Variants in RNF217 observed in about 807,000 individuals in gnomAD.
RNF217 encodes E3 ubiquitin-protein ligase RNF217.
A neutral mutation model predicts 57.8 loss-of-function variants in RNF217; 31 were observed. The ratio of observed to expected loss-of-function variants is 0.54; its 90% CI spans 0.40 to 0.72. The LOEUF (loss-of-function observed/expected upper bound fraction) is 0.72. Ranked by LOEUF, RNF217 falls within the 30% of genes least tolerant of loss-of-function variation. RNF217 has a pLI of 0.00. For synonymous variants in RNF217, 313 were observed against 294.0 expected, an observed-to-expected ratio of 1.06 and a Z score of -0.66; for missense variants, 696 against 708.3, an observed-to-expected ratio of 0.98 and a Z score of 0.20.
intron 2 of RNF217, among the ~76,000 whole-genome samples, chr6:125,049,363 C>G (rs1787222079): frequency 1.3e-5 from 2 of 151,992 alleles, no homozygotes; most frequent in African/African-American, 2.4e-5. Context: ...TCCAAGTTTA[C>G]TTCATTTACT....
intron 1 of RNF217, among the ~76,000 whole-genome samples, chr6:125,007,106 G>C (rs530115514): frequency 6.6e-6 from 1 of 152,288 alleles, no homozygotes; most frequent in Non-Finnish European, 1.5e-5. Flanking sequence ...GTCTTCAGCT[G>C]TATCTAGTCT....
intron 1 of RNF217, among the ~76,000 whole-genome samples, chr6:124,984,751 A>G (rs192555630): frequency 1.3e-5 from 2 of 152,116 alleles, no homozygotes; most frequent in African/African-American, 4.8e-5. Context: ...TGATGTCTGT[A>G]TAACCTTAGT....
At chr6:124,998,772 TG>T (rs1315421628) in intron 1 of RNF217, among the ~76,000 whole-genome samples, 1 of 152,182 alleles carries the variant, frequency 6.6e-6, no homozygotes, top group African/African-American at 2.4e-5. Flanking sequence ...CACTCCAACC[TG>T]GGCAACAGAG....
At position 125,088,914 on chromosome 6, in the gene RNF217, A is replaced by G. The variant is rs187782333; in HGVS notation, c.*5977A>G. 295 of 152,674 alleles carry G rather than the reference A, an allele frequency of 1.9e-3. 2 individuals carry two copies. Among genetic ancestry groups the G allele is most frequent in the Admixed American group, 5.8e-3 (89 of 15,286 alleles). The allele number at this position is 152,674 out of a possible 1,614,324, so 9.5% of individuals were successfully genotyped here. ...ACAACATCAAGCTCCTTTTTCTCTT[A>G]AATTTCCTAATTATCTTGATTTTTG... is the stretch of plus-strand genomic sequence containing the variant. On this transcript the variant is annotated 3_prime_UTR_variant, in exon 6 of 6. Transcript: ENST00000521654.
intron 1 of RNF217, among the ~76,000 whole-genome samples, chr6:124,997,647 T>C (rs1292457214): frequency 2.0e-5 from 3 of 152,176 alleles, no homozygotes. Context: ...AGCACATTCA[T>C]AGGTCCTTGG....
intron 1 of RNF217, among the ~76,000 whole-genome samples, chr6:124,969,154 C>A (rs1291584495): frequency 6.6e-6 from 1 of 152,070 alleles, no homozygotes; most frequent in Non-Finnish European, 1.5e-5. Flanking sequence ...TTTACTATTC[C>A]TTCTGTTATG....
At chr6:125,009,271 A>C (rs1241697941) in intron 1 of RNF217, 1 of 1,607,660 alleles carries the variant, frequency 6.2e-7, no homozygotes, top group Non-Finnish European at 8.5e-7. Context: ...CCAGTTCAAG[A>C]AAGGGATGAA....
At chr6:125,014,371 G>A (rs1227967796) in intron 1 of RNF217, among the ~76,000 whole-genome samples, 2 of 152,218 alleles carry the variant, frequency 1.3e-5, no homozygotes, top group African/African-American at 2.4e-5. Flanking sequence ...GTACAATTCT[G>A]TGAGGTATAT....
intron 1 of RNF217, among the ~76,000 whole-genome samples, chr6:124,984,561 A>AG (rs1470621095): frequency 3.4e-5 from 5 of 146,564 alleles, no homozygotes; most frequent in South Asian, 4.3e-4. Flanking sequence ...AAAAAAAAAA[A>AG]GAAAGAAAGA....
intron 3 of RNF217, among the ~76,000 whole-genome samples, chr6:125,070,298 T>C (rs1403459364): frequency 1.3e-5 from 2 of 152,238 alleles, no homozygotes; most frequent in Non-Finnish European, 2.9e-5. Context: ...CAGTTGTGAA[T>C]TGTGCTGCTA....
At chr6:125,057,857 T>C (rs1446552538) in intron 2 of RNF217, 85 bp from the exon 3 acceptor site, 2 of 1,196,372 alleles carry the variant, frequency 1.7e-6, no homozygotes, top group African/African-American at 3.1e-5. Flanking sequence ...AACTTTTAGC[T>C]AATTTCCCCA....
intron 1 of RNF217, among the ~76,000 whole-genome samples, chr6:124,984,258 A>C (rs1430087902): frequency 1.3e-5 from 2 of 152,182 alleles, no homozygotes. Flanking sequence ...AGTCAATAAA[A>C]TAGAGTGGCC....
chr6:124,965,089 T>C (rs144631728), intron 1 of RNF217, among the ~76,000 whole-genome samples: 256 of 152,272 alleles, frequency 1.7e-3, no homozygotes, highest in African/African-American at 6.0e-3. Flanking sequence ...ATAAGTTAGT[T>C]TTAGGAAGTT....
In RNF217 at chr6:125,088,067, C is replaced by A. The variant is rs958173239; in HGVS notation, c.*5130C>A. The A allele has an allele frequency of 5.7e-4, 76 of 133,470 alleles. 1 individual carries two copies. Among genetic ancestry groups the A allele is most frequent in the Middle Eastern group, 9.3e-3 (2 of 214 alleles). The allele number at this position is 133,470 out of a possible 1,614,324, so 8.3% of individuals were successfully genotyped here. On this transcript the variant is annotated 3_prime_UTR_variant, in exon 6 of 6. Transcript: ENST00000521654. ...AGAGGTTCTCTCAATGTTGCCCAGG[C>A]TGGTCTCAAACTCTTGGGCTCAAGC...
At chr6:125,041,157 T>C (rs1786866191) in intron 1 of RNF217, among the ~76,000 whole-genome samples, 1 of 152,100 alleles carries the variant, frequency 6.6e-6, no homozygotes, top group Non-Finnish European at 1.5e-5. Flanking sequence ...TCTGTACATA[T>C]ATATTAAAAC....
At chr6:125,017,902 A>C (rs1263332114) in intron 1 of RNF217, among the ~76,000 whole-genome samples, 1 of 152,208 alleles carries the variant, frequency 6.6e-6, no homozygotes, top group East Asian at 1.9e-4. Flanking sequence ...TAAGGGAAAG[A>C]ATTCACTTTA....
chr6:125,043,665 A>G (rs1208949751), intron 1 of RNF217, among the ~76,000 whole-genome samples: 1 of 152,096 alleles, frequency 6.6e-6, no homozygotes, highest in East Asian at 1.9e-4. Context: ...TTTTGTCTTG[A>G]GGCAGAACAA....
chr6:124,975,894 CTGT>C (rs1417328101), intron 1 of RNF217, among the ~76,000 whole-genome samples: 1 of 152,082 alleles, frequency 6.6e-6, no homozygotes, highest in African/African-American at 2.4e-5. Flanking sequence ...TTTAATTTTC[CTGT>C]TATCATTTTT....
At chr6:124,973,684 A>T (rs551117894) in intron 1 of RNF217, among the ~76,000 whole-genome samples, 2 of 152,352 alleles carry the variant, frequency 1.3e-5, no homozygotes, top group South Asian at 4.1e-4. Context: ...AATGACTTGC[A>T]TCAATCCAGT....
Sources: gnomAD v4.1 joint callset for allele counts (sites outside exome capture counted in the v4.1 genomes callset) on GRCh38, gnomAD v4.1.1 for gene constraint, MANE v1.5 for transcripts, NCBI Gene and HGNC (gene_info 2026-07-23, HGNC 2026-07-21) for gene names.